The following TESK2 variants were observed in gnomAD, a reference collection of about 807,000 sequenced individuals.
TESK2 encodes the protein dual specificity testis-specific protein kinase 2.
A neutral mutation model predicts 57.1 loss-of-function variants in TESK2; 39 were observed. The ratio of observed to expected loss-of-function variants is 0.68; its 90% CI spans 0.53 to 0.89. TESK2 has a LOEUF of 0.89. TESK2 is among the 40% of genes least tolerant of loss of function. The probability of loss-of-function intolerance (pLI) is 0.00; values close to 1 mark genes in which losing one functional copy is unlikely to be tolerated. For missense variants in TESK2, 646 were observed against 732.1 expected, an observed-to-expected ratio of 0.88 and a Z score of 1.36; for synonymous variants, 249 against 267.9, an observed-to-expected ratio of 0.93 and a Z score of 0.69.
At chr1:45,362,489 A>C (rs766865588) in intron 4 of TESK2, among the ~76,000 whole-genome samples, 1 of 152,234 alleles carries the variant, frequency 6.6e-6, no homozygotes, top group Non-Finnish European at 1.5e-5. Context: ...ACAATAAGAC[A>C]AAATGGTAGT....
intron 2 of TESK2, among the ~76,000 whole-genome samples, chr1:45,455,003 A>G (rs1052368120): frequency 6.6e-6 from 1 of 152,172 alleles, no homozygotes; most frequent in Non-Finnish European, 1.5e-5. Flanking sequence ...CTGCCCCCAC[A>G]GGGTTCACAA....
intron 4 of TESK2, among the ~76,000 whole-genome samples, chr1:45,359,216 T>C (rs976174046): frequency 2.6e-5 from 4 of 152,234 alleles, no homozygotes; most frequent in African/African-American, 9.6e-5. Context: ...GTAGGTATGA[T>C]AATCCCTGAT....
rs780016167 is a variant in TESK2 at position 45,457,826 on chromosome 1, C to G, written c.-41G>C. ...TTTTTTCTTCTTTTAAGAAGGAACTCCACACATAAATTTTTGTTGAATTTT... is the reference window on the plus strand; with the variant it reads ...TTTTTTCTTCTTTTAAGAAGGAACTGCACACATAAATTTTTGTTGAATTTT... On this transcript the variant is annotated 5_prime_UTR_variant, in exon 2 of 11. Coordinates refer to ENST00000372086, the MANE Select transcript of TESK2 (RefSeq NM_007170.3). The G allele has an allele frequency of 9.6e-6, 15 of 1,556,458 alleles. No individual in the cohort carries two copies. The East Asian group carries it at 3.4e-4, about 35-fold the overall frequency.
chr1:45,489,173 G>C (rs188096228), intron 1 of TESK2, among the ~76,000 whole-genome samples: 134 of 151,434 alleles, frequency 8.8e-4, no homozygotes, highest in Non-Finnish European at 1.5e-3. Context: ...CATTCAGCTG[G>C]ACCTCGAAAG....
At chr1:45,347,112 G>A in intron 7 of TESK2, 50 bp from the exon 8 acceptor site, 1 of 1,537,600 alleles carries the variant, frequency 6.5e-7, no homozygotes, top group South Asian at 1.1e-5. Flanking sequence ...TGAGGGGTAG[G>A]GTATCTGCCC....
chr1:45,450,536 C>T (rs1414928604), intron 2 of TESK2, among the ~76,000 whole-genome samples: 1 of 148,528 alleles, frequency 6.7e-6, no homozygotes, highest in Non-Finnish European at 1.5e-5. Context: ...GCATCAAGTC[C>T]ATAAAGGCCT....
chr1:45,348,001 C>A lies in TESK2; in HGVS notation c.541-1G>T. On this transcript the variant is annotated splice_acceptor_variant, in intron 5 of 10. Coordinates refer to ENST00000372086, the MANE Select transcript of TESK2 (RefSeq NM_007170.3). LOFTEE classifies it high-confidence loss of function. ...TCTCATCCCTCTTTATCAGGCAGTT[C>A]TAGGGTTCCCAGGAAGGAAGAGAAA... is the stretch of plus-strand genomic sequence containing the variant. 1 of 1,606,734 alleles carries A rather than the reference C, an allele frequency of 6.2e-7. No homozygotes were observed. Among genetic ancestry groups the A allele is most frequent in the Non-Finnish European group, 8.5e-7 (1 of 1,173,272 alleles).
At chr1:45,358,477 CA>C (rs1339012192) in intron 4 of TESK2, among the ~76,000 whole-genome samples, 4 of 150,938 alleles carry the variant, frequency 2.7e-5, no homozygotes, top group African/African-American at 7.3e-5. Context: ...GACCCAGTCT[CA>C]AAAAAAAGTG....
intron 4 of TESK2, among the ~76,000 whole-genome samples, chr1:45,372,632 T>C (rs760563237): frequency 2.0e-5 from 3 of 151,712 alleles, no homozygotes; most frequent in Non-Finnish European, 4.4e-5. Flanking sequence ...CTGTCCCTAT[T>C]ACGTGGGAGG....
intron 1 of TESK2, 25 bp from the exon 2 acceptor site, chr1:45,457,896 C>A (rs759160049): frequency 4.7e-6 from 4 of 842,672 alleles, no homozygotes; most frequent in Non-Finnish European, 7.3e-6. Flanking sequence ...AAAATTTCCA[C>A]TGAAATCTTT....
intron 2 of TESK2, among the ~76,000 whole-genome samples, chr1:45,443,485 G>A (rs886706995): frequency 5.6e-5 from 8 of 143,222 alleles, no homozygotes; most frequent in Non-Finnish European, 7.5e-5. Context: ...CAGGATAATC[G>A]CTTGAACCCG....
chr1:45,424,263 C>G (rs939299766), intron 2 of TESK2, among the ~76,000 whole-genome samples: 12 of 152,140 alleles, frequency 7.9e-5, no homozygotes, highest in Admixed American at 5.2e-4. Context: ...GACATCACAG[C>G]TTATCTTAGA....
At chr1:45,457,297 C>T (rs1378767496) in intron 2 of TESK2, among the ~76,000 whole-genome samples, 1 of 141,868 alleles carries the variant, frequency 7.0e-6, no homozygotes, top group African/African-American at 2.6e-5. Context: ...TGTGTGGATA[C>T]ATACACACAT....
chr1:45,412,372 G>C (rs1650067886), intron 3 of TESK2, among the ~76,000 whole-genome samples: 1 of 152,188 alleles, frequency 6.6e-6, no homozygotes, highest in African/African-American at 2.4e-5. Flanking sequence ...TTAGAAGCAA[G>C]GAATACATGA....
intron 3 of TESK2, among the ~76,000 whole-genome samples, chr1:45,392,759 T>C (rs1439759600): frequency 6.6e-6 from 1 of 151,680 alleles, no homozygotes; most frequent in African/African-American, 2.4e-5. Context: ...CCCAGGCTGG[T>C]CTCAAATTCC....
At chr1:45,482,223 C>A (rs551550093) in intron 1 of TESK2, among the ~76,000 whole-genome samples, 60 of 152,272 alleles carry the variant, frequency 3.9e-4, no homozygotes, top group African/African-American at 1.4e-3. Context: ...ACAGAAAGGT[C>A]ATGACATTAT....
chr1:45,344,602 ACCT>A lies in TESK2; in HGVS notation c.*235_*237del. 2 of 527,438 alleles carry A rather than the reference ACCT, an allele frequency of 3.8e-6. No homozygotes were observed. Among genetic ancestry groups the A allele is most frequent in the South Asian group, 4.8e-5 (2 of 41,884 alleles). 32.7% of individuals were successfully genotyped at this position (527,438 alleles called of 1,614,324 possible). On this transcript the variant is annotated 3_prime_UTR_variant, in exon 11 of 11. Coordinates refer to ENST00000372086, the MANE Select transcript of TESK2 (RefSeq NM_007170.3). ...CTGGAGAGGGTCTGGTGGGAGGCAGACCTCCTTGCTGGATTTCAGAGGCTTGGT... is the reference window on the plus strand; with the variant it reads ...CTGGAGAGGGTCTGGTGGGAGGCAGACCTTGCTGGATTTCAGAGGCTTGGT...
chr1:45,439,685 T>G (rs1273481530), intron 2 of TESK2, among the ~76,000 whole-genome samples: 1 of 152,178 alleles, frequency 6.6e-6, no homozygotes, highest in East Asian at 1.9e-4. Flanking sequence ...CTAGGCATGG[T>G]AGCAAACACC....
At chr1:45,400,616 G>A (rs1649558084) in intron 3 of TESK2, among the ~76,000 whole-genome samples, 1 of 152,104 alleles carries the variant, frequency 6.6e-6, no homozygotes, top group Admixed American at 6.5e-5. Context: ...TTCCTTGGTG[G>A]CATTCGCATT....
Sources: gnomAD v4.1 joint callset for allele counts (sites outside exome capture counted in the v4.1 genomes callset) on GRCh38, gnomAD v4.1.1 for gene constraint, MANE v1.5 for transcripts, NCBI Gene and HGNC (gene_info 2026-07-23, HGNC 2026-07-21) for gene names.